The following INPP4B variants were observed in gnomAD, a reference collection of about 807,000 sequenced individuals.
INPP4B encodes inositol polyphosphate 4-phosphatase type II.
A neutral mutation model predicts 122.5 loss-of-function variants in INPP4B; 55 were observed. That is an observed-to-expected ratio of 0.45 (90% CI 0.36 to 0.56). INPP4B has a LOEUF of 0.56. INPP4B is among the 20% of genes least tolerant of loss of function. INPP4B has a pLI of 0.00. For missense variants in INPP4B, 1,000 were observed against 1,097.7 expected, an observed-to-expected ratio of 0.91 and a Z score of 1.26; for synonymous variants, 403 against 388.7, an observed-to-expected ratio of 1.04 and a Z score of -0.43.
chr4:142,765,968 A>C (rs1179645502), intron 1 of INPP4B: 1 of 152,056 alleles, frequency 6.6e-6, no homozygotes, highest in Non-Finnish European at 1.5e-5. Context: ...GAATTTTTCC[A>C]GCCCATTAGA....
In INPP4B at chr4:142,398,376, T is replaced by TAAA. The variant is rs1183246808; in HGVS notation, c.372+4559_372+4561dup. On this transcript the variant is annotated intron_variant, in intron 7 of 25. Coordinates refer to ENST00000262992, the MANE Select transcript of INPP4B (RefSeq NM_001101669.3). ...CTGGGTAACAGAGCCAGACTCTGTC[T>TAAA]AAAAAAAAAAAAAAAAAAAAAAAAA... 4.4e-3 allele frequency among the ~76,000 whole-genome samples: 39 copies of TAAA among 8,802 alleles called. 1 individual carries two copies. The highest frequency in any genetic ancestry group is 6.5e-3 in the Non-Finnish European group (32 of 4,930). 5.8% of individuals were successfully genotyped at this position (8,802 alleles called of 152,430 possible).
intron 3 of INPP4B, among the ~76,000 whole-genome samples, chr4:142,432,665 A>C (rs1315427506): frequency 6.6e-6 from 1 of 152,108 alleles, no homozygotes; most frequent in Non-Finnish European, 1.5e-5. Flanking sequence ...GTTCTCCCAA[A>C]GACCTATGAC....
chr4:142,695,889 A>G (rs1325026831), intron 2 of INPP4B, among the ~76,000 whole-genome samples: 1 of 152,180 alleles, frequency 6.6e-6, no homozygotes, highest in Non-Finnish European at 1.5e-5. Context: ...AATTCCCCTC[A>G]ACCCCTATAG....
chr4:142,688,837 T>C (rs993340726), intron 2 of INPP4B, among the ~76,000 whole-genome samples: 1 of 152,196 alleles, frequency 6.6e-6, no homozygotes. Flanking sequence ...CCATCACTGT[T>C]GTGAAACCTA....
chr4:142,267,300 T>C (rs1251945945), intron 10 of INPP4B, among the ~76,000 whole-genome samples: 2 of 152,158 alleles, frequency 1.3e-5, no homozygotes, highest in African/African-American at 2.4e-5. Flanking sequence ...GTCAGCTGAC[T>C]TCAAAATCTA....
intron 1 of INPP4B, among the ~76,000 whole-genome samples, chr4:142,757,340 CT>C (rs1217571078): frequency 6.6e-6 from 1 of 152,096 alleles, no homozygotes; most frequent in Non-Finnish European, 1.5e-5. Context: ...GATGTACATT[CT>C]ATGGGTTTTG....
At chr4:142,567,233 G>A (rs1003657771) in intron 2 of INPP4B, among the ~76,000 whole-genome samples, 15 of 152,208 alleles carry the variant, frequency 9.9e-5, no homozygotes, top group African/African-American at 2.9e-4. Flanking sequence ...GAAGTACATC[G>A]TCCTTTGAAT....
intron 2 of INPP4B, among the ~76,000 whole-genome samples, chr4:142,465,684 A>C (rs937487548): frequency 1.4e-4 from 22 of 152,120 alleles, no homozygotes; most frequent in Non-Finnish European, 2.6e-4. Context: ...CTCAGGTTGA[A>C]ATGTGATTCC....
At chr4:142,408,288 C>A (rs1444563558) in intron 5 of INPP4B, among the ~76,000 whole-genome samples, 1 of 150,908 alleles carries the variant, frequency 6.6e-6, no homozygotes, top group Non-Finnish European at 1.5e-5. Context: ...GGTGAGGTGG[C>A]TTATGCCTGG....
intron 15 of INPP4B, among the ~76,000 whole-genome samples, chr4:142,191,641 T>C (rs1056234308): frequency 6.6e-6 from 1 of 152,150 alleles, no homozygotes; most frequent in Non-Finnish European, 1.5e-5. Context: ...ATTGCAATAA[T>C]ATTTGTGAGA....
chr4:142,176,259 G>T (rs1579178069), intron 15 of INPP4B, among the ~76,000 whole-genome samples: 1 of 151,342 alleles, frequency 6.6e-6, no homozygotes, highest in East Asian at 1.9e-4. Flanking sequence ...TTTACATTAG[G>T]TATATCTCCT....
At chr4:142,514,070 T>C (rs1825103481) in intron 2 of INPP4B, among the ~76,000 whole-genome samples, 1 of 152,142 alleles carries the variant, frequency 6.6e-6, no homozygotes, top group South Asian at 2.1e-4. Flanking sequence ...AGGCAATGTT[T>C]GATATGAGAA....
At chr4:142,832,734 C>T (rs534756553) in intron 1 of INPP4B, among the ~76,000 whole-genome samples, 1 of 151,594 alleles carries the variant, frequency 6.6e-6, no homozygotes, top group East Asian at 1.9e-4. Flanking sequence ...CAGCTCATGT[C>T]TATTCACATA....
At chr4:142,731,400 C>G (rs535758570) in intron 1 of INPP4B, among the ~76,000 whole-genome samples, 1 of 152,002 alleles carries the variant, frequency 6.6e-6, no homozygotes, top group Non-Finnish European at 1.5e-5. Context: ...AAGATTGCTA[C>G]AAGATAAATA....
rs578099072 is a variant in INPP4B, at chr4:142,390,879, A to T, written c.372+12059T>A. Among the ~76,000 whole-genome samples, 83 of 152,318 alleles carry T rather than the reference A, an allele frequency of 5.4e-4. 1 individual carries two copies. The highest frequency in any genetic ancestry group is 9.6e-4 in the Non-Finnish European group (65 of 68,030). On this transcript the variant is annotated intron_variant, in intron 7 of 25. Coordinates refer to ENST00000262992, the MANE Select transcript of INPP4B (RefSeq NM_001101669.3). Reference sequence around the variant, plus strand: ...TTTCTGAAAACTTCACAAGCATGCAAAATCCTAGAATATGGTGTCTTTTAG... The same window carrying T: ...TTTCTGAAAACTTCACAAGCATGCATAATCCTAGAATATGGTGTCTTTTAG...
chr4:142,809,887 G>A (rs1376883055), intron 1 of INPP4B, among the ~76,000 whole-genome samples: 3 of 151,874 alleles, frequency 2.0e-5, no homozygotes, highest in Non-Finnish European at 2.9e-5. Flanking sequence ...AATTTATCAT[G>A]GGCCAGGCAC....
intron 3 of INPP4B, among the ~76,000 whole-genome samples, chr4:142,436,983 T>C (rs899704358): frequency 5.3e-5 from 8 of 151,996 alleles, no homozygotes; most frequent in African/African-American, 1.9e-4. Flanking sequence ...AAGAAGAATG[T>C]TCTAACCCAA....
intron 2 of INPP4B, among the ~76,000 whole-genome samples, chr4:142,516,005 A>T (rs1255987186): frequency 6.6e-6 from 1 of 152,198 alleles, no homozygotes; most frequent in Non-Finnish European, 1.5e-5. Flanking sequence ...GGATTCATTT[A>T]TTGGAGAAAG....
intron 2 of INPP4B, among the ~76,000 whole-genome samples, chr4:142,620,058 T>C (rs1744555365): frequency 6.6e-6 from 1 of 151,968 alleles, no homozygotes; most frequent in South Asian, 2.1e-4. Context: ...AAGATAACTC[T>C]CATACATTGC....
Sources: gnomAD v4.1 joint callset for allele counts (sites outside exome capture counted in the v4.1 genomes callset) on GRCh38, gnomAD v4.1.1 for gene constraint, MANE v1.5 for transcripts, NCBI Gene and HGNC (gene_info 2026-07-23, HGNC 2026-07-21) for gene names.